FAM120A: variants seen among roughly 807,000 people sequenced by gnomAD.
FAM120A encodes the protein constitutive coactivator of PPAR-gamma-like protein 1.
Under a neutral mutation model 109.7 loss-of-function variants are expected in FAM120A, and 15 were observed. The observed-to-expected ratio is 0.14, with a 90% confidence interval of 0.09 to 0.21. The LOEUF is 0.21. Ranked by LOEUF, FAM120A falls within the 10% of genes least tolerant of loss-of-function variation. FAM120A has a pLI of 1.00. For missense variants in FAM120A, 899 were observed against 1,439.3 expected (o/e 0.62, Z 6.07); for synonymous variants, 493 against 572.8 (o/e 0.86, Z 1.99).
At chr9:93,491,722 C>T (rs1298714537) in intron 3 of FAM120A, among the ~76,000 whole-genome samples, 3 of 151,922 alleles carry the variant, frequency 2.0e-5, no homozygotes, top group African/African-American at 2.4e-5. Context: ...TGATCATAAG[C>T]GTTTGCTTGT....
intron 11 of FAM120A, among the ~76,000 whole-genome samples, chr9:93,545,121 C>A (rs1408161589): frequency 6.6e-6 from 1 of 152,132 alleles, no homozygotes. Flanking sequence ...GTTCTGCTTG[C>A]CCCTGTGTCT....
intron 3 of FAM120A, among the ~76,000 whole-genome samples, chr9:93,479,976 G>C (rs1422980970): frequency 6.6e-6 from 1 of 152,206 alleles, no homozygotes. Flanking sequence ...CTGCAGAGAG[G>C]AAAGCTAGGA....
chr9:93,519,227 T>A (rs1860739673), intron 7 of FAM120A, among the ~76,000 whole-genome samples: 1 of 152,152 alleles, frequency 6.6e-6, no homozygotes, highest in Non-Finnish European at 1.5e-5. Flanking sequence ...GTAGAAATGT[T>A]TATATATATG....
chr9:93,517,486 T>A (rs1459508332), intron 7 of FAM120A, among the ~76,000 whole-genome samples: 1 of 152,224 alleles, frequency 6.6e-6, no homozygotes, highest in African/African-American at 2.4e-5. Context: ...GAACAACTGC[T>A]TGATGGTCTT....
intron 1 of FAM120A, among the ~76,000 whole-genome samples, chr9:93,460,539 G>C (rs1392682073): frequency 3.9e-5 from 6 of 152,088 alleles, no homozygotes; most frequent in Non-Finnish European, 7.4e-5. Flanking sequence ...GTTTCACTAT[G>C]TTGGCCAGGC....
chr9:93,472,108 A>C (rs568205831), intron 2 of FAM120A, among the ~76,000 whole-genome samples: 3 of 152,238 alleles, frequency 2.0e-5, no homozygotes, highest in African/African-American at 7.2e-5. Flanking sequence ...AAAAATACAA[A>C]AATTAGCCGG....
intron 3 of FAM120A, among the ~76,000 whole-genome samples, chr9:93,479,414 A>G (rs1322415094): frequency 1.3e-5 from 2 of 152,240 alleles, no homozygotes; most frequent in Non-Finnish European, 2.9e-5. Context: ...TTAACTTCAT[A>G]GAACACCAGC....
At chr9:93,560,680 C>A in intron 15 of FAM120A, among the ~76,000 whole-genome samples, 1 of 152,142 alleles carries the variant, frequency 6.6e-6, no homozygotes, top group East Asian at 1.9e-4. Context: ...TATGGAAATT[C>A]TAATTTAAAA....
chr9:93,513,244 C>T (rs1244425133), intron 5 of FAM120A, among the ~76,000 whole-genome samples: 2 of 152,210 alleles, frequency 1.3e-5, no homozygotes, highest in South Asian at 2.1e-4. Flanking sequence ...ACTTTGATCG[C>T]ACACGTGGAG....
At position 93,565,890 on chromosome 9, in the gene FAM120A, A is replaced by G. The variant is rs1862615956; in HGVS notation, c.*1350A>G. ...ATATACTTCTGATGCTCTTCATCAC[A>G]TTAGTGATCAGAAATGAGGTGTAAT... On this transcript the variant is annotated 3_prime_UTR_variant, in exon 18 of 18. Transcript: ENST00000277165. The G allele has an allele frequency of 6.6e-6, 1 of 152,624 alleles. No homozygotes were observed. Among genetic ancestry groups the G allele is most frequent in the Admixed American group, 6.5e-5 (1 of 15,282 alleles). The allele number at this position is 152,624 out of a possible 1,614,324, so 9.5% of individuals were successfully genotyped here. A position where few individuals can be genotyped will look rare whatever the true frequency, so the allele number is the denominator to read the frequency against.
chr9:93,481,769 C>T (rs1036565170), intron 3 of FAM120A, among the ~76,000 whole-genome samples: 20 of 152,178 alleles, frequency 1.3e-4, no homozygotes, highest in Admixed American at 2.6e-4. Flanking sequence ...TCTGTTTACA[C>T]TGCAGTTCCC....
chr9:93,477,391 C>T (rs777048431), intron 3 of FAM120A, among the ~76,000 whole-genome samples: 2 of 152,172 alleles, frequency 1.3e-5, no homozygotes, highest in African/African-American at 4.8e-5. Context: ...CCTTTTCACC[C>T]TAATGGGGTT....
chr9:93,497,427 G>C (rs375946554), intron 3 of FAM120A, 44 bp from the exon 4 acceptor site: 6 of 1,606,612 alleles, frequency 3.7e-6, no homozygotes, highest in Non-Finnish European at 5.1e-6. Context: ...GCCTGGTACT[G>C]GTTGCTCACC....
intron 1 of FAM120A, among the ~76,000 whole-genome samples, chr9:93,468,034 A>G (rs1588790844): frequency 6.6e-6 from 1 of 152,156 alleles, no homozygotes; most frequent in East Asian, 1.9e-4. Flanking sequence ...GGCGCCCGCC[A>G]CCACGCCTGG....
chr9:93,481,616 G>A (rs1394738716), intron 3 of FAM120A, among the ~76,000 whole-genome samples: 1 of 152,170 alleles, frequency 6.6e-6, no homozygotes, highest in Non-Finnish European at 1.5e-5. Context: ...TGATGGCCAA[G>A]TATTCCCAAC....
chr9:93,536,473 T>C (rs1399376094), intron 10 of FAM120A, among the ~76,000 whole-genome samples: 1 of 152,252 alleles, frequency 6.6e-6, no homozygotes, highest in Non-Finnish European at 1.5e-5. Flanking sequence ...ATGGTCACTG[T>C]AACAATAAAG....
intron 1 of FAM120A, among the ~76,000 whole-genome samples, chr9:93,470,659 T>C (rs2131257354): frequency 6.6e-6 from 1 of 152,300 alleles, no homozygotes; most frequent in Non-Finnish European, 1.5e-5. Context: ...CGAGGGATCA[T>C]ACTTTTATTT....
In FAM120A at chr9:93,532,218, C is replaced by G. The variant is rs758792503; in HGVS notation, c.1798C>G (p.Leu600Val). The G allele has an allele frequency of 8.1e-6, 13 of 1,614,126 alleles. No homozygotes were observed. The Admixed American group carries it at 1.5e-4, about 19-fold the overall frequency. Residue 600 changes from leucine to valine, a missense_variant, in exon 10 of 18, where the codon CTG becomes GTG. This residue lies in a region of FAM120A where 133 missense variants were observed against 276.6 expected (regional missense o/e 0.48). Coordinates refer to ENST00000277165, the MANE Select transcript of FAM120A (RefSeq NM_014612.5). The surrounding 1 kb of genome is among the most constrained non-coding windows in gnomAD (Gnocchi z 4.3). ...EANKDLPPAA[L>V]LYRPVRQYVY... ...CAACAAGGACCTGCCTCCGGCCGCT[C>G]TGCTCTATAGGCCAGTTCGTCAGTA...
intron 9 of FAM120A, chr9:93,530,725 A>T (rs1443992594): frequency 1.3e-5 from 2 of 152,242 alleles, no homozygotes; most frequent in Non-Finnish European, 2.9e-5. Flanking sequence ...AACATAAATT[A>T]TAAAGGGTAA....
Sources: allele counts gnomAD v4.1 joint callset (sites outside exome capture counted in the v4.1 genomes callset), GRCh38; gene constraint gnomAD v4.1.1; regional missense constraint gnomAD v4.1.1; non-coding constraint Gnocchi (gnomAD v3.1); transcripts MANE v1.5; gene names NCBI Gene and HGNC (gene_info 2026-07-23, HGNC 2026-07-21).